The following C1QTNF3 variants were observed in gnomAD, a reference collection of about 807,000 sequenced individuals.
C1QTNF3 encodes the protein C1q and TNF related 3, also known as complement C1q tumor necrosis factor-related protein 3.
Under a neutral mutation model 32.6 loss-of-function variants are expected in C1QTNF3, and 26 were observed. The observed-to-expected ratio is 0.80, with a 90% confidence interval of 0.58 to 1.11. The LOEUF is 1.11. Ranked by LOEUF, C1QTNF3 falls within the 50% of genes least tolerant of loss-of-function variation. C1QTNF3 has a pLI of 0.00. For missense variants in C1QTNF3, 362 were observed against 398.2 expected, an observed-to-expected ratio of 0.91 and a Z score of 0.77; for synonymous variants, 155 against 146.0, an observed-to-expected ratio of 1.06 and a Z score of -0.44.
chr5:34,063,127 A>T, the C1QTNF3 span, among the ~76,000 whole-genome samples: 1 of 151,212 alleles, frequency 6.6e-6, no homozygotes, highest in Non-Finnish European at 1.5e-5. Context: ...CATGGAGAAG[A>T]CCTCCAATTA....
chr5:34,118,375 G>A, the C1QTNF3 span, among the ~76,000 whole-genome samples: 77,822 of 151,930 alleles, frequency 0.51, 22,025 homozygotes, highest in Non-Finnish European at 0.63. Context: ...CACCATGTCC[G>A]GCCTATCATG....
chr5:34,019,040 G>A lies in C1QTNF3; in HGVS notation c.*1543C>T, dbSNP rs1205937484. 1.3e-5 allele frequency among the ~76,000 whole-genome samples: 2 copies of A among 151,922 alleles called. No individual in the cohort carries two copies. Among genetic ancestry groups the A allele is most frequent in the East Asian group, 3.9e-4 (2 of 5,176 alleles). ...CTACTCAGGAGGCTGAGGTAGGAGA[G>A]TCACTTGAACCCAGGAGGCGGAGGC... is the stretch of plus-strand genomic sequence containing the variant. On this transcript the variant is annotated 3_prime_UTR_variant, in exon 6 of 6. Coordinates refer to ENST00000382065, the MANE Select transcript of C1QTNF3 (RefSeq NM_181435.6).
At chr5:34,108,114 C>T in the C1QTNF3 span, among the ~76,000 whole-genome samples, 1 of 152,120 alleles carries the variant, frequency 6.6e-6, no homozygotes, top group Non-Finnish European at 1.5e-5. Flanking sequence ...ATCTATTTCA[C>T]TACCAGTTTT....
chr5:34,236,211 A>C, the C1QTNF3 span, among the ~76,000 whole-genome samples: 2 of 152,210 alleles, frequency 1.3e-5, no homozygotes, highest in Non-Finnish European at 2.9e-5. Context: ...ATCTATCAAA[A>C]TAGAACATAA....
chr5:34,228,993 A>T, the C1QTNF3 span, among the ~76,000 whole-genome samples: 3 of 151,944 alleles, frequency 2.0e-5, no homozygotes, highest in Non-Finnish European at 4.4e-5. Flanking sequence ...CCTAAATATG[A>T]AACTTCTGGG....
At chr5:34,059,056 G>A in the C1QTNF3 span, among the ~76,000 whole-genome samples, 1 of 152,230 alleles carries the variant, frequency 6.6e-6, no homozygotes, top group Admixed American at 6.5e-5. Flanking sequence ...ATGCCAAACA[G>A]GTTTCCTCCC....
upstream of C1QTNF3, among the ~76,000 whole-genome samples, chr5:34,045,266 C>A (rs948917669): frequency 3.9e-5 from 6 of 152,180 alleles, no homozygotes; most frequent in Admixed American, 3.3e-4. Context: ...GTTTTCAATC[C>A]TGTCATCTAT....
the C1QTNF3 span, among the ~76,000 whole-genome samples, chr5:34,230,453 T>C: frequency 6.6e-6 from 1 of 152,192 alleles, no homozygotes; most frequent in African/African-American, 2.4e-5. Context: ...TGCCCCAGGG[T>C]CCATCTTAGT....
chr5:34,174,586 T>C, the C1QTNF3 span, among the ~76,000 whole-genome samples: 1 of 152,144 alleles, frequency 6.6e-6, no homozygotes, highest in Non-Finnish European at 1.5e-5. Flanking sequence ...AAGTAATGTA[T>C]TGTAACTCCC....
At chr5:34,102,716 A>G in the C1QTNF3 span, among the ~76,000 whole-genome samples, 1 of 152,238 alleles carries the variant, frequency 6.6e-6, no homozygotes, top group South Asian at 2.1e-4. Flanking sequence ...GAAGCTGGAA[A>G]CCATCATTCT....
At chr5:34,139,703 A>G in the C1QTNF3 span, among the ~76,000 whole-genome samples, 2 of 152,198 alleles carry the variant, frequency 1.3e-5, no homozygotes, top group African/African-American at 4.8e-5. Context: ...AGTACAATAA[A>G]CTGACCTAGA....
the C1QTNF3 span, among the ~76,000 whole-genome samples, chr5:34,050,429 T>C: frequency 6.6e-6 from 1 of 152,230 alleles, no homozygotes; most frequent in Non-Finnish European, 1.5e-5. Flanking sequence ...GCGCTTGGCA[T>C]CACCACTATA....
the C1QTNF3 span, among the ~76,000 whole-genome samples, chr5:34,116,049 A>G: frequency 2.0e-5 from 3 of 152,228 alleles, 1 homozygote; most frequent in African/African-American, 7.2e-5. Context: ...AGTTTTTTGT[A>G]TACTTTTTAC....
upstream of C1QTNF3, among the ~76,000 whole-genome samples, chr5:34,048,071 T>A (rs1755015144): frequency 6.6e-6 from 1 of 152,150 alleles, no homozygotes; most frequent in African/African-American, 2.4e-5. Context: ...TCTGTCTCCA[T>A]CACAAGAATA....
chr5:34,076,540 T>C, the C1QTNF3 span, among the ~76,000 whole-genome samples: 1 of 151,396 alleles, frequency 6.6e-6, no homozygotes, highest in South Asian at 2.1e-4. Flanking sequence ...AAAACTTGGC[T>C]CTCCAATAAA....
chr5:34,129,895 CTT>C, the C1QTNF3 span, among the ~76,000 whole-genome samples: 1 of 151,964 alleles, frequency 6.6e-6, no homozygotes, highest in Admixed American at 6.6e-5. Context: ...TCCATAATGT[CTT>C]GTTTTCATGC....
At chr5:34,023,077 G>A (rs190575234) in intron 5 of C1QTNF3, among the ~76,000 whole-genome samples, 1 of 152,026 alleles carries the variant, frequency 6.6e-6, no homozygotes, top group Admixed American at 6.6e-5. Context: ...GGATGGTCTC[G>A]ATCTCCAGAC....
the C1QTNF3 span, among the ~76,000 whole-genome samples, chr5:34,050,945 T>A: frequency 2.6e-5 from 4 of 152,348 alleles, no homozygotes; most frequent in Admixed American, 1.3e-4. Flanking sequence ...GTCTTTCAGA[T>A]AAAGTGAGTT....
the C1QTNF3 span, among the ~76,000 whole-genome samples, chr5:34,233,704 T>G: frequency 4.5e-4 from 3 of 6,686 alleles, no homozygotes; most frequent in African/African-American, 4.7e-4. Flanking sequence ...GGACATGCGT[T>G]TTTTTTTTTG....
Sources: allele counts gnomAD v4.1 joint callset (sites outside exome capture counted in the v4.1 genomes callset), GRCh38; gene constraint gnomAD v4.1.1; transcripts MANE v1.5; gene names NCBI Gene and HGNC (gene_info 2026-07-23, HGNC 2026-07-21).